Variants in ZNF277 observed in about 807,000 individuals in gnomAD.
ZNF277 encodes nuclear receptor-interacting factor 4.
A neutral mutation model predicts 60.7 loss-of-function variants in ZNF277; 55 were observed. That is an observed-to-expected ratio of 0.91 (90% CI 0.73 to 1.13). The LOEUF (loss-of-function observed/expected upper bound fraction) is 1.13. Ranked by LOEUF, ZNF277 falls within the 50% of genes most tolerant of loss-of-function variation. The pLI, the probability that ZNF277 is intolerant of heterozygous loss-of-function variation, is 0.00. For synonymous variants in ZNF277, 178 were observed against 179.3 expected, an observed-to-expected ratio of 0.99 and a Z score of 0.06; for missense variants, 510 against 523.0, an observed-to-expected ratio of 0.98 and a Z score of 0.24.
At chr7:112,264,746 GA>G (rs1791511384) in intron 1 of ZNF277, among the ~76,000 whole-genome samples, 1 of 151,368 alleles carries the variant, frequency 6.6e-6, no homozygotes, top group South Asian at 2.1e-4. Flanking sequence ...GAGTCACATG[GA>G]TTTTTTTGGT....
At chr7:112,250,711 T>G (rs1218553879) in intron 1 of ZNF277, among the ~76,000 whole-genome samples, 1 of 152,158 alleles carries the variant, frequency 6.6e-6, no homozygotes, top group Non-Finnish European at 1.5e-5. Flanking sequence ...CCTGCCCTGA[T>G]AATGTTTTAT....
intron 7 of ZNF277, 49 bp from the exon 8 acceptor site, chr7:112,336,055 C>G (rs761114027): frequency 2.0e-6 from 3 of 1,490,570 alleles, no homozygotes; most frequent in African/African-American, 1.4e-5. Flanking sequence ...CATACTCTCT[C>G]CCTTCTCTTT....
intron 1 of ZNF277, among the ~76,000 whole-genome samples, chr7:112,286,196 A>G (rs1282491878): frequency 6.6e-6 from 1 of 152,230 alleles, no homozygotes; most frequent in Non-Finnish European, 1.5e-5. Context: ...AATGTTTACC[A>G]CATCACATAT....
chr7:112,290,826 T>A (rs1792189624), intron 2 of ZNF277, among the ~76,000 whole-genome samples: 1 of 152,196 alleles, frequency 6.6e-6, no homozygotes, highest in African/African-American at 2.4e-5. Flanking sequence ...CTTTTCAACA[T>A]CATGTAACTT....
intron 4 of ZNF277, among the ~76,000 whole-genome samples, chr7:112,307,322 C>T (rs1792620939): frequency 1.3e-5 from 2 of 152,098 alleles, no homozygotes; most frequent in Admixed American, 1.3e-4. Context: ...GTTCGTGTCT[C>T]TCTTCAGAGA....
At chr7:112,224,711 G>A (rs979444896) in intron 1 of ZNF277, among the ~76,000 whole-genome samples, 12 of 152,228 alleles carry the variant, frequency 7.9e-5, no homozygotes, top group Non-Finnish European at 1.8e-4. Context: ...GGTCTGGCAA[G>A]GACGGGGCCT....
chr7:112,317,561 T>G (rs1235830482), intron 4 of ZNF277, among the ~76,000 whole-genome samples: 1 of 152,096 alleles, frequency 6.6e-6, no homozygotes, highest in African/African-American at 2.4e-5. Context: ...CCACCTTGAT[T>G]AGAGCAGGAT....
chr7:112,228,481 T>C (rs898344087), intron 1 of ZNF277, among the ~76,000 whole-genome samples: 182 of 73,484 alleles, frequency 2.5e-3, no homozygotes, highest in East Asian at 6.1e-3. Flanking sequence ...TTTTTTTTTT[T>C]CAAGCTGTTG....
Position 112,286,855 on chromosome 7 carries a change from T to TTTTTTTTTTTTTTTTTTTTTTTTTTC in ZNF277, c.92-13_92-12insTTTTTTTTTTTTTTTTTTTTCTTTTT. 7.0e-7 allele frequency: 1 copy of TTTTTTTTTTTTTTTTTTTTTTTTTTC among 1,423,680 alleles called. No homozygotes were observed. Among genetic ancestry groups the TTTTTTTTTTTTTTTTTTTTTTTTTTC allele is most frequent in the African/African-American group, 1.5e-5 (1 of 65,166 alleles). 88.2% of individuals were successfully genotyped at this position (1,423,680 alleles called of 1,614,324 possible). On this transcript the variant is annotated splice_polypyrimidine_tract_variant and intron_variant, in intron 1 of 11. Coordinates refer to ENST00000361822, the MANE Select transcript of ZNF277 (RefSeq NM_021994.3). ...TTTCTTTCTTTCTTTTTTTTTTTTT[T>TTTTTTTTTTTTTTTTTTTTTTTTTTC]TTTTTGGTCTATTCCAGACAGTAAG...
intron 8 of ZNF277, among the ~76,000 whole-genome samples, chr7:112,336,687 T>G (rs1793340953): frequency 6.6e-6 from 1 of 152,220 alleles, no homozygotes; most frequent in Non-Finnish European, 1.5e-5. Flanking sequence ...TTTTGGCCTT[T>G]TTTCTCTCTC....
At chr7:112,272,199 C>G (rs1165159736) in intron 1 of ZNF277, among the ~76,000 whole-genome samples, 2 of 152,138 alleles carry the variant, frequency 1.3e-5, no homozygotes, top group African/African-American at 4.8e-5. Flanking sequence ...TCATTTTGTT[C>G]CCGGCTGATT....
At chr7:112,338,284 G>A (rs1793371610) in intron 9 of ZNF277, among the ~76,000 whole-genome samples, 1 of 152,178 alleles carries the variant, frequency 6.6e-6, no homozygotes, top group Non-Finnish European at 1.5e-5. Flanking sequence ...AAACTAGGGA[G>A]CATTCCTAGT....
chr7:112,207,018 T>G (rs1335261903), intron 1 of ZNF277, among the ~76,000 whole-genome samples: 1 of 151,864 alleles, frequency 6.6e-6, no homozygotes, highest in African/African-American at 2.4e-5. Context: ...GAAAATGCCA[T>G]GGGATGGCGG....
At chr7:112,276,164 TTGGAAATAA>T (rs1791789220) in intron 1 of ZNF277, among the ~76,000 whole-genome samples, 1 of 152,194 alleles carries the variant, frequency 6.6e-6, no homozygotes, top group African/African-American at 2.4e-5. Context: ...AAGAATAGAT[TTGGAAATAA>T]CCAACTTCCC....
chr7:112,217,761 C>A (rs748126086), intron 1 of ZNF277, among the ~76,000 whole-genome samples: 2 of 152,166 alleles, frequency 1.3e-5, no homozygotes, highest in Non-Finnish European at 2.9e-5. Flanking sequence ...CAGCTAGAGG[C>A]CACAAGGTTC....
At chr7:112,320,983 A>G (rs889262049) in intron 5 of ZNF277, among the ~76,000 whole-genome samples, 1 of 136,688 alleles carries the variant, frequency 7.3e-6, no homozygotes, top group Non-Finnish European at 1.5e-5. Context: ...GTGCAGTGGC[A>G]GGATCTCGGC....
At chr7:112,221,479 G>A (rs1209750560) in intron 1 of ZNF277, among the ~76,000 whole-genome samples, 5 of 152,142 alleles carry the variant, frequency 3.3e-5, no homozygotes, top group Non-Finnish European at 7.3e-5. Context: ...GTGGAAGACA[G>A]TTTTTCCACA....
intron 4 of ZNF277, among the ~76,000 whole-genome samples, chr7:112,317,450 T>C (rs924312452): frequency 1.3e-5 from 2 of 152,030 alleles, no homozygotes; most frequent in African/African-American, 4.8e-5. Flanking sequence ...GGTTGCACGA[T>C]AGAAATAGGA....
intron 7 of ZNF277, among the ~76,000 whole-genome samples, chr7:112,333,254 G>A (rs1793262432): frequency 6.6e-6 from 1 of 152,024 alleles, no homozygotes; most frequent in African/African-American, 2.4e-5. Flanking sequence ...TATTAGTAGT[G>A]GGTTTATACA....
Sources: allele counts gnomAD v4.1 joint callset (sites outside exome capture counted in the v4.1 genomes callset), GRCh38; gene constraint gnomAD v4.1.1; transcripts MANE v1.5; gene names NCBI Gene and HGNC (gene_info 2026-07-23, HGNC 2026-07-21).